The following BTRC variants were observed in gnomAD, a reference collection of about 807,000 sequenced individuals.
The protein encoded by BTRC is F-box/WD repeat-containing protein 1A.
Under a neutral mutation model 85.5 loss-of-function variants are expected in BTRC, and 42 were observed. That is an observed-to-expected ratio of 0.49 (90% CI 0.38 to 0.64). BTRC has a LOEUF of 0.64. BTRC is among the 30% of genes least tolerant of loss of function. The pLI, the probability that BTRC is intolerant of heterozygous loss-of-function variation, is 0.00. For synonymous variants in BTRC, 255 were observed against 263.3 expected, an observed-to-expected ratio of 0.97 and a Z score of 0.30; for missense variants, 594 against 743.5, an observed-to-expected ratio of 0.80 and a Z score of 2.34.
At chr10:101,443,862 G>A (rs771891615) in intron 2 of BTRC, among the ~76,000 whole-genome samples, 7 of 152,148 alleles carry the variant, frequency 4.6e-5, no homozygotes, top group Non-Finnish European at 8.8e-5. Context: ...CCACAACTCC[G>A]ATTCGATTCA....
intron 1 of BTRC, among the ~76,000 whole-genome samples, chr10:101,385,286 G>T (rs1943037532): frequency 6.7e-6 from 1 of 148,734 alleles, no homozygotes; most frequent in Admixed American, 6.8e-5. Context: ...AGAATGGCGT[G>T]AACCCGGGAG....
At chr10:101,519,605 T>G (rs1316734411) in intron 4 of BTRC, among the ~76,000 whole-genome samples, 1 of 152,194 alleles carries the variant, frequency 6.6e-6, no homozygotes, top group Non-Finnish European at 1.5e-5. Context: ...CTCCTTATCT[T>G]AAGGTCAGCT....
intron 4 of BTRC, among the ~76,000 whole-genome samples, chr10:101,482,806 C>G (rs1945875514): frequency 1.3e-5 from 2 of 152,134 alleles, no homozygotes; most frequent in South Asian, 4.1e-4. Context: ...TAGCCCTTAA[C>G]TGAATAGTTT....
chr10:101,552,259 G>A (rs1403118221), intron 14 of BTRC, among the ~76,000 whole-genome samples: 1 of 151,670 alleles, frequency 6.6e-6, no homozygotes, highest in Non-Finnish European at 1.5e-5. Context: ...CACAATGTCA[G>A]CTCATTGCAA....
At chr10:101,360,332 G>C (rs1942166041) in intron 1 of BTRC, among the ~76,000 whole-genome samples, 1 of 150,662 alleles carries the variant, frequency 6.6e-6, no homozygotes, top group Non-Finnish European at 1.5e-5. Flanking sequence ...TGGGATTACA[G>C]GCGTGAGTCA....
At position 101,402,552 on chromosome 10, in the gene BTRC, C is replaced by T. The variant is rs1450527750; in HGVS notation, c.49-27793C>T. On this transcript the variant is annotated intron_variant, in intron 1 of 14. Transcript: ENST00000370187. The stretch of plus-strand genomic sequence containing the variant: ...ATTCTCATCCCTTTAGTCCAAGTTT[C>T]GTGGAGAAAATAATTCCTATCTTAA... Among the ~76,000 whole-genome samples the T allele has an allele frequency of 2.6e-5, 4 of 152,002 alleles. No individual in the cohort carries two copies. The South Asian group carries it at 8.3e-4, about 32-fold the overall frequency.
chr10:101,459,350 C>T lies in BTRC; in HGVS notation c.157-2631C>T, dbSNP rs1235119432. Among the ~76,000 whole-genome samples the T allele has an allele frequency of 2.6e-5, 4 of 152,264 alleles. No individual in the cohort carries two copies. In the East Asian group the frequency reaches 5.8e-4, roughly 22 times the overall value. ...ATGGCTATTTCATCATTACCCCTTACCCTCAAGACTGTAGACCTAGTAATC... is the reference window on the plus strand; with the variant it reads ...ATGGCTATTTCATCATTACCCCTTATCCTCAAGACTGTAGACCTAGTAATC... On this transcript the variant is annotated intron_variant, in intron 2 of 14. Coordinates refer to ENST00000370187, the MANE Select transcript of BTRC (RefSeq NM_033637.4).
Position 101,538,315 on chromosome 10 carries a change from G to T in BTRC, c.1600G>T (p.Val534Leu). The T allele has an allele frequency of 6.2e-7, 1 of 1,614,092 alleles. No individual in the cohort carries two copies. The highest frequency in any genetic ancestry group is 8.5e-7 in the Non-Finnish European group (1 of 1,179,968). Residue 534 changes from valine (V) to leucine (L), a missense_variant, in exon 13 of 15, where the codon GTG (valine) becomes TTG (leucine). By Grantham distance (32) the Val-to-Leu change is conservative. Around this residue, in one of 4 missense-constraint regions of BTRC, gnomAD observed 373 missense variants for 503.6 expected, o/e 0.74. Coordinates refer to ENST00000370187, the MANE Select transcript of BTRC (RefSeq NM_033637.4). ...YDGKIKVWDL[V>L]AALDPRAPAG... ...TAGAAAAATTAAAGTGTGGGATCTT[G>T]TGGCTGCTTTGGACCCCCGTGCTCC...
intron 1 of BTRC, among the ~76,000 whole-genome samples, chr10:101,421,648 G>A: frequency 9.0e-6 from 1 of 110,666 alleles, no homozygotes. Context: ...AACAGGCCCT[G>A]ATGTGTGATG....
At chr10:101,503,068 T>C (rs1364433016) in intron 4 of BTRC, among the ~76,000 whole-genome samples, 2 of 152,154 alleles carry the variant, frequency 1.3e-5, no homozygotes, top group Admixed American at 1.3e-4. Flanking sequence ...GATGAGGAAT[T>C]TGAAGCCCAG....
intron 4 of BTRC, among the ~76,000 whole-genome samples, chr10:101,507,442 C>T (rs117326913): frequency 1.4e-4 from 22 of 152,322 alleles, no homozygotes; most frequent in Non-Finnish European, 2.6e-4. Context: ...CTGTGCCGCT[C>T]CGATCCGGGG....
intron 3 of BTRC, among the ~76,000 whole-genome samples, chr10:101,478,843 G>A (rs1945761510): frequency 6.6e-6 from 1 of 150,626 alleles, no homozygotes; most frequent in Non-Finnish European, 1.5e-5. Flanking sequence ...GGAGGCTGAG[G>A]CAGGAGAATC....
intron 4 of BTRC, among the ~76,000 whole-genome samples, chr10:101,511,607 A>C (rs1405809227): frequency 1.3e-5 from 2 of 151,992 alleles, no homozygotes; most frequent in Non-Finnish European, 2.9e-5. Context: ...CCCAGACTGG[A>C]GTGCAGTGGG....
chr10:101,474,530 A>G (rs973055977), intron 3 of BTRC, among the ~76,000 whole-genome samples: 5 of 152,110 alleles, frequency 3.3e-5, no homozygotes, highest in African/African-American at 1.2e-4. Flanking sequence ...TCTCCCCTTC[A>G]TGTACGTAGT....
At chr10:101,374,549 G>A (rs1369189367) in intron 1 of BTRC, among the ~76,000 whole-genome samples, 17 of 143,056 alleles carry the variant, frequency 1.2e-4, no homozygotes, top group Non-Finnish European at 2.4e-4. Flanking sequence ...ACCAAACACC[G>A]CATATTCTCA....
chr10:101,363,915 T>G (rs1942288589), intron 1 of BTRC, among the ~76,000 whole-genome samples: 1 of 152,122 alleles, frequency 6.6e-6, no homozygotes, highest in African/African-American at 2.4e-5. Context: ...AGTTAGCTAT[T>G]GGCGTTTAGA....
chr10:101,424,036 C>T (rs1944180379), intron 1 of BTRC, among the ~76,000 whole-genome samples: 1 of 152,138 alleles, frequency 6.6e-6, no homozygotes, highest in African/African-American at 2.4e-5. Context: ...TCGAGACCAG[C>T]CTGGCTAACA....
At chr10:101,457,502 A>G (rs1264778259) in intron 2 of BTRC, among the ~76,000 whole-genome samples, 1 of 152,232 alleles carries the variant, frequency 6.6e-6, no homozygotes, top group Non-Finnish European at 1.5e-5. Context: ...TTTCCATTCA[A>G]TATTTTAGGA....
At chr10:101,383,285 T>A (rs1942984325) in intron 1 of BTRC, among the ~76,000 whole-genome samples, 1 of 151,992 alleles carries the variant, frequency 6.6e-6, no homozygotes, top group South Asian at 2.1e-4. Context: ...TGCCATTCTT[T>A]AGGCCTGGGT....
Sources: allele counts gnomAD v4.1 joint callset (sites outside exome capture counted in the v4.1 genomes callset), GRCh38; gene constraint gnomAD v4.1.1; regional missense constraint gnomAD v4.1.1; transcripts MANE v1.5; gene names NCBI Gene and HGNC (gene_info 2026-07-23, HGNC 2026-07-21).